Variants in PALM2AKAP2 observed in about 807,000 individuals in gnomAD.
The protein encoded by PALM2AKAP2 is PALM2 and AKAP2 fusion.
Under a neutral mutation model 71.5 loss-of-function variants are expected in PALM2AKAP2, and 37 were observed. That is an observed-to-expected ratio of 0.52 (90% confidence interval 0.40 to 0.68). The LOEUF (loss-of-function observed/expected upper bound fraction) is 0.68, where lower values mean the gene tolerates loss of function less well. Among genes scored for constraint, PALM2AKAP2 ranks in the 30% least tolerant of loss-of-function variants. PALM2AKAP2 has a pLI of 0.00. For synonymous variants in PALM2AKAP2, 468 were observed against 478.8 expected (o/e 0.98, Z 0.29); for missense variants, 1,224 against 1,191.8 (o/e 1.03, Z -0.40).
intron 3 of PALM2AKAP2, among the ~76,000 whole-genome samples, chr9:109,905,794 C>T (rs1049897399): frequency 1.3e-5 from 2 of 152,056 alleles, no homozygotes; most frequent in African/African-American, 4.8e-5. Context: ...CAAATTCATG[C>T]CTTGGCCAAC....
chr9:110,008,600 G>C (rs552009480), intron 6 of PALM2AKAP2, among the ~76,000 whole-genome samples: 1 of 152,238 alleles, frequency 6.6e-6, no homozygotes, highest in Admixed American at 6.5e-5. Context: ...GGCGAGTCTA[G>C]AAGGACTCCT....
chr9:110,043,716 GTTTTTTTTTT>G (rs61128628), upstream of PALM2AKAP2, among the ~76,000 whole-genome samples: 9 of 91,588 alleles, frequency 9.8e-5, no homozygotes, highest in East Asian at 2.8e-3. Context: ...TTTTTTTGGT[GTTTTTTTTTT>G]TTTTTTTTTT....
chr9:109,744,276 T>C (rs973430708), intron 1 of PALM2AKAP2, among the ~76,000 whole-genome samples: 3 of 152,172 alleles, frequency 2.0e-5, no homozygotes, highest in African/African-American at 7.2e-5. Flanking sequence ...TATAGGTATT[T>C]TGAGTTAGTA....
At chr9:109,734,017 A>G (rs1403536811) in intron 1 of PALM2AKAP2, among the ~76,000 whole-genome samples, 1 of 152,222 alleles carries the variant, frequency 6.6e-6, no homozygotes, top group Non-Finnish European at 1.5e-5. Flanking sequence ...GAGTAATTTG[A>G]TGAAAGAACA....
chr9:109,946,552 G>A (rs1171480523), intron 6 of PALM2AKAP2: 1 of 151,798 alleles, frequency 6.6e-6, no homozygotes, highest in Non-Finnish European at 1.5e-5. Flanking sequence ...AATTAGCCAG[G>A]CGTGATGGCG....
At chr9:109,894,351 A>T (rs1201447247) in intron 3 of PALM2AKAP2, among the ~76,000 whole-genome samples, 4 of 152,146 alleles carry the variant, frequency 2.6e-5, no homozygotes, top group Non-Finnish European at 4.4e-5. Context: ...AAAACAAACA[A>T]ACAAACAAAA....
intron 1 of PALM2AKAP2, among the ~76,000 whole-genome samples, chr9:109,743,035 A>G (rs188642684): frequency 2.6e-5 from 4 of 152,284 alleles, no homozygotes; most frequent in African/African-American, 9.6e-5. Flanking sequence ...GGTCTATTCC[A>G]GCCAGAAAGC....
chr9:110,101,334 T>C (rs1834995065), intron 1 of PALM2AKAP2, among the ~76,000 whole-genome samples: 1 of 152,170 alleles, frequency 6.6e-6, no homozygotes, highest in African/African-American at 2.4e-5. Context: ...CAAGGGTGGA[T>C]GTCCAGAAAT....
intron 3 of PALM2AKAP2, among the ~76,000 whole-genome samples, chr9:109,911,969 T>TG (rs1293220468): frequency 6.6e-6 from 1 of 152,120 alleles, no homozygotes; most frequent in Non-Finnish European, 1.5e-5. Context: ...CAGGCTGGGT[T>TG]GGGGGGCTGG....
At chr9:110,069,536 A>G (rs1367096001) in intron 1 of PALM2AKAP2, among the ~76,000 whole-genome samples, 1 of 152,204 alleles carries the variant, frequency 6.6e-6, no homozygotes, top group Non-Finnish European at 1.5e-5. Context: ...TTGATGGGGC[A>G]GAACCTTCAG....
upstream of PALM2AKAP2, among the ~76,000 whole-genome samples, chr9:110,044,005 C>T (rs1833551501): frequency 6.6e-6 from 1 of 152,104 alleles, no homozygotes; most frequent in Non-Finnish European, 1.5e-5. Flanking sequence ...AGGTGTGAGC[C>T]ACCACATCCA....
chr9:109,786,353 G>A (rs1003660370), intron 1 of PALM2AKAP2, among the ~76,000 whole-genome samples: 5 of 152,222 alleles, frequency 3.3e-5, no homozygotes, highest in Admixed American at 6.5e-5. Context: ...TGTAGAAACA[G>A]GCACTGTGAT....
chr9:109,946,838 G>A (rs1319906150), intron 6 of PALM2AKAP2: 4 of 151,442 alleles, frequency 2.6e-5, no homozygotes, highest in Non-Finnish European at 5.9e-5. Context: ...TGGTTAAAAT[G>A]ATAAAGATTA....
chr9:109,864,698 T>G (rs1433429222), intron 1 of PALM2AKAP2, among the ~76,000 whole-genome samples: 1 of 152,232 alleles, frequency 6.6e-6, no homozygotes, highest in African/African-American at 2.4e-5. Context: ...AATGGTAGCA[T>G]TCAGTAGTTG....
chr9:109,702,258 T>C (rs917468870), intron 1 of PALM2AKAP2, among the ~76,000 whole-genome samples: 1 of 152,206 alleles, frequency 6.6e-6, no homozygotes, highest in African/African-American at 2.4e-5. Context: ...CCCAAAGGAT[T>C]ATAAATCATG....
chr9:109,982,260 C>T (rs958513019), intron 6 of PALM2AKAP2, among the ~76,000 whole-genome samples: 2 of 152,060 alleles, frequency 1.3e-5, no homozygotes, highest in African/African-American at 4.8e-5. Flanking sequence ...AACAATTGAA[C>T]TCATGGACAT....
chr9:109,776,171 G>A (rs961872923), upstream of PALM2AKAP2, among the ~76,000 whole-genome samples: 2 of 152,182 alleles, frequency 1.3e-5, no homozygotes, highest in African/African-American at 2.4e-5. Context: ...TATACAATAT[G>A]TTTATTAAAT....
At chr9:109,666,525 A>G (rs1002698803) in intron 1 of PALM2AKAP2, among the ~76,000 whole-genome samples, 2 of 152,190 alleles carry the variant, frequency 1.3e-5, no homozygotes, top group African/African-American at 4.8e-5. Context: ...TGATATCACA[A>G]CCAGTTAAGC....
chr9:109,912,926 A>G (rs907148133), intron 3 of PALM2AKAP2, among the ~76,000 whole-genome samples: 2 of 152,212 alleles, frequency 1.3e-5, no homozygotes, highest in African/African-American at 4.8e-5. Context: ...CTCAAGACAA[A>G]GATCTTTGGG....
Sources: gnomAD v4.1 joint callset for allele counts (sites outside exome capture counted in the v4.1 genomes callset) on GRCh38, gnomAD v4.1.1 for gene constraint, MANE v1.5 for transcripts, NCBI Gene and HGNC (gene_info 2026-07-23, HGNC 2026-07-21) for gene names.